The following MAN1A2 variants were observed in gnomAD, a reference collection of about 807,000 sequenced individuals.
MAN1A2 encodes mannosidase alpha class 1A member 2, also known as mannosyl-oligosaccharide 1,2-alpha-mannosidase IB.
A neutral mutation model predicts 75.7 loss-of-function variants in MAN1A2; 26 were observed. The ratio of observed to expected loss-of-function variants is 0.34; its 90% CI spans 0.25 to 0.48. MAN1A2 has a LOEUF of 0.48. MAN1A2 is among the 20% of genes least tolerant of loss of function. MAN1A2 has a pLI of 0.99. For missense variants in MAN1A2, 562 were observed against 775.5 expected, an observed-to-expected ratio of 0.72 and a Z score of 3.27; for synonymous variants, 247 against 264.6, an observed-to-expected ratio of 0.93 and a Z score of 0.65.
chr1:117,493,357 G>A, intron 9 of MAN1A2, 95 bp downstream of exon 9: 1 of 663,266 alleles, frequency 1.5e-6, no homozygotes, highest in East Asian at 2.9e-5. Context: ...TTTTATTATA[G>A]ACATTCAGTA....
intron 6 of MAN1A2, among the ~76,000 whole-genome samples, chr1:117,454,923 A>C (rs534832935): frequency 6.6e-6 from 1 of 152,244 alleles, no homozygotes; most frequent in East Asian, 1.9e-4. Flanking sequence ...GAGCAGTCAT[A>C]AAAAAATAAG....
At chr1:117,421,879 C>G (rs896547313) in intron 5 of MAN1A2, among the ~76,000 whole-genome samples, 1 of 151,958 alleles carries the variant, frequency 6.6e-6, no homozygotes, top group Non-Finnish European at 1.5e-5. Context: ...AATGAGGATT[C>G]CAAGCCCTGC....
Position 117,422,493 on chromosome 1 carries a change from C to T in MAN1A2, c.855+1844C>T, listed in dbSNP as rs1053849154. Among the ~76,000 whole-genome samples the T allele has an allele frequency of 2.0e-4, 31 of 152,222 alleles. 1 individual carries two copies. The highest frequency in any genetic ancestry group is 7.0e-4 in the African/African-American group (29 of 41,552). ...GATAAATACATAGGAATGGGATTTA[C>T]TGAGTCAAAGGTTAAGTGTATATTT... On this transcript the variant is annotated intron_variant, in intron 5 of 12. Transcript: ENST00000356554.
chr1:117,407,873 A>G (rs562743953), intron 3 of MAN1A2, among the ~76,000 whole-genome samples: 2 of 152,328 alleles, frequency 1.3e-5, no homozygotes, highest in East Asian at 3.9e-4. Flanking sequence ...ATACTACCAC[A>G]GCTGTGGGAA....
chr1:117,397,955 C>A (rs865929783), intron 1 of MAN1A2, among the ~76,000 whole-genome samples: 1 of 151,940 alleles, frequency 6.6e-6, no homozygotes, highest in South Asian at 2.1e-4. Flanking sequence ...CCCGGCCTTA[C>A]AACTCTTTTG....
At chr1:117,458,215 C>T (rs939675274) in intron 6 of MAN1A2, among the ~76,000 whole-genome samples, 4 of 151,952 alleles carry the variant, frequency 2.6e-5, no homozygotes, top group Non-Finnish European at 4.4e-5. Flanking sequence ...CACTCTCTCA[C>T]AGCATAGTAA....
chr1:117,466,511 C>T (rs1486932123), intron 8 of MAN1A2, 84 bp downstream of exon 8: 22 of 860,196 alleles, frequency 2.6e-5, no homozygotes, highest in South Asian at 2.2e-4. Flanking sequence ...AAGTACACTA[C>T]GTGGAGTTAG....
At chr1:117,419,128 A>G (rs1488027898) in intron 4 of MAN1A2, among the ~76,000 whole-genome samples, 1 of 151,232 alleles carries the variant, frequency 6.6e-6, no homozygotes, top group African/African-American at 2.4e-5. Context: ...GATGTCAAAG[A>G]GGTTGTAGGG....
intron 4 of MAN1A2, among the ~76,000 whole-genome samples, chr1:117,416,371 G>A (rs1027063540): frequency 6.6e-6 from 1 of 152,022 alleles, no homozygotes; most frequent in Non-Finnish European, 1.5e-5. Flanking sequence ...TGCGGAAATT[G>A]TCTTAGTTCT....
intron 12 of MAN1A2, chr1:117,515,061 A>G: frequency 3.3e-6 from 1 of 301,974 alleles, no homozygotes; most frequent in Non-Finnish European, 6.7e-6. Flanking sequence ...AGTCTGGTTT[A>G]GAAATCTCTT....
intron 1 of MAN1A2, among the ~76,000 whole-genome samples, chr1:117,383,073 ATAG>A (rs1324889872): frequency 1.3e-5 from 2 of 152,122 alleles, no homozygotes; most frequent in African/African-American, 2.4e-5. Context: ...ACAGTTTCAA[ATAG>A]TAGTGGTGAA....
intron 9 of MAN1A2, chr1:117,495,039 T>G (rs938543486): frequency 6.6e-6 from 1 of 151,848 alleles, no homozygotes; most frequent in East Asian, 1.9e-4. Flanking sequence ...TATTTTGACT[T>G]TTGCTTAATT....
intron 5 of MAN1A2, among the ~76,000 whole-genome samples, chr1:117,441,226 C>T (rs777350442): frequency 2.6e-5 from 4 of 152,064 alleles, no homozygotes; most frequent in Non-Finnish European, 4.4e-5. Context: ...TCTACTTGTA[C>T]ATATTTCTCT....
In MAN1A2 at chr1:117,405,580, C is replaced by CAT. The variant is rs768602904; in HGVS notation, c.593_594dup (p.Gly199MetfsTer30). Reference sequence around the variant, plus strand: ...AAACATGCTTGGGATAACTATAGGACATATGGGTGGGGACATAATGAACTC... The same window carrying CAT: ...AAACATGCTTGGGATAACTATAGGACATATATGGGTGGGGACATAATGAACTC... On this transcript the variant is annotated frameshift_variant, in exon 3 of 13. Coordinates refer to ENST00000356554, the MANE Select transcript of MAN1A2 (RefSeq NM_006699.5). LOFTEE classifies it high-confidence loss of function. 1 of 1,605,392 alleles carries CAT rather than the reference C, an allele frequency of 6.2e-7. No individual in the cohort carries two copies. The highest frequency in any genetic ancestry group is 8.5e-7 in the Non-Finnish European group (1 of 1,172,248).
chr1:117,386,263 G>C (rs1300670060), intron 1 of MAN1A2, among the ~76,000 whole-genome samples: 2 of 152,186 alleles, frequency 1.3e-5, no homozygotes, highest in African/African-American at 2.4e-5. Context: ...TAGAAATGTA[G>C]ATATAAATAG....
intron 12 of MAN1A2, among the ~76,000 whole-genome samples, chr1:117,509,227 TAAA>T (rs959012651): frequency 5.9e-5 from 9 of 151,844 alleles, no homozygotes; most frequent in African/African-American, 2.2e-4. Context: ...CTAAGCCTAC[TAAA>T]AAAGGTAGTA....
At chr1:117,473,458 A>G (rs897025033) in intron 8 of MAN1A2, among the ~76,000 whole-genome samples, 2 of 152,060 alleles carry the variant, frequency 1.3e-5, no homozygotes, top group Admixed American at 1.3e-4. Flanking sequence ...AATTTTTTAC[A>G]AAGTAAGTCA....
intron 5 of MAN1A2, among the ~76,000 whole-genome samples, chr1:117,424,186 T>G (rs997130712): frequency 6.6e-6 from 1 of 152,148 alleles, no homozygotes; most frequent in African/African-American, 2.4e-5. Flanking sequence ...TTTATTTATT[T>G]TTGTTCTTTT....
At chr1:117,458,494 T>TATATATAG (rs1649676934) in intron 6 of MAN1A2, among the ~76,000 whole-genome samples, 1 of 50,400 alleles carries the variant, frequency 2.0e-5, no homozygotes, top group South Asian at 5.8e-4. Flanking sequence ...AATATATATA[T>TATATATAG]ATCTATATAT....
Sources: allele counts gnomAD v4.1 joint callset (sites outside exome capture counted in the v4.1 genomes callset), GRCh38; gene constraint gnomAD v4.1.1; transcripts MANE v1.5; gene names NCBI Gene and HGNC (gene_info 2026-07-23, HGNC 2026-07-21).